The following CCDC191 variants were observed in gnomAD, a reference collection of about 807,000 sequenced individuals.
CCDC191 encodes coiled-coil domain-containing protein 191.
In CCDC191, 99 loss-of-function variants were observed where a neutral mutation model predicts 114.0. That is an observed-to-expected ratio of 0.87 (90% CI 0.74 to 1.03). CCDC191 has a LOEUF of 1.03. Among genes scored for constraint, CCDC191 ranks in the 50% least tolerant of loss-of-function variants. The pLI is 0.00. For synonymous variants in CCDC191, 351 were observed against 376.0 expected (o/e 0.93, Z 0.77); for missense variants, 973 against 1,087.0 (o/e 0.90, Z 1.47).
intron 13 of CCDC191, among the ~76,000 whole-genome samples, chr3:113,988,130 A>G (rs1405745062): frequency 1.3e-5 from 2 of 151,922 alleles, no homozygotes; most frequent in African/African-American, 2.4e-5. Context: ...TTAAAACCAG[A>G]TAAGGTAGGG....
At chr3:114,002,373 C>A in intron 12 of CCDC191, 83 bp downstream of exon 12, 1 of 990,208 alleles carries the variant, frequency 1.0e-6, no homozygotes. Flanking sequence ...CTCAGGAGTT[C>A]TGAAAAAGCA....
At chr3:113,965,809 G>T (rs571837612) in intron 16 of CCDC191, among the ~76,000 whole-genome samples, 2 of 152,046 alleles carry the variant, frequency 1.3e-5, no homozygotes, top group Non-Finnish European at 2.9e-5. Context: ...TGGCCAGGCT[G>T]GTCTTGAACT....
chr3:114,039,984 T>C (rs1459353555), intron 4 of CCDC191, among the ~76,000 whole-genome samples: 1 of 152,236 alleles, frequency 6.6e-6, no homozygotes, highest in Non-Finnish European at 1.5e-5. Flanking sequence ...GCTTCACATT[T>C]ACTCACAACT....
At chr3:114,004,826 CT>C in intron 10 of CCDC191, 80 bp from the exon 11 acceptor site, 2 of 1,436,184 alleles carry the variant, frequency 1.4e-6, no homozygotes, top group East Asian at 2.4e-5. Context: ...TGCTCAAAGC[CT>C]TTTACAGACC....
At chr3:114,015,709 T>C (rs1044263202) in intron 8 of CCDC191, among the ~76,000 whole-genome samples, 2 of 152,244 alleles carry the variant, frequency 1.3e-5, no homozygotes, top group African/African-American at 4.8e-5. Flanking sequence ...TATTACTAAA[T>C]GAATCCTCAG....
At chr3:114,043,787 G>A (rs910346873) in intron 3 of CCDC191, among the ~76,000 whole-genome samples, 1 of 152,184 alleles carries the variant, frequency 6.6e-6, no homozygotes, top group African/African-American at 2.4e-5. Context: ...TGGTGGCCTG[G>A]ATCTGGGAGT....
rs765934410 is a variant in CCDC191 at position 113,999,308 on chromosome 3, G to T, written c.2163+2287C>A. 5.9e-5 allele frequency among the ~76,000 whole-genome samples: 9 copies of T among 152,152 alleles called. No individual in the cohort carries two copies. The East Asian group carries it at 9.6e-4, about 16-fold the overall frequency. ...AGAGACATAATGATTCCACTTAACT[G>T]CAAGTTGACTGCTACCTGGCCACTT... On this transcript the variant is annotated intron_variant, in intron 13 of 16. Transcript: ENST00000295878.
chr3:114,048,692 C>T (rs779979495), intron 2 of CCDC191, among the ~76,000 whole-genome samples: 11 of 152,176 alleles, frequency 7.2e-5, no homozygotes, highest in Non-Finnish European at 1.2e-4. Context: ...TGTAAACACT[C>T]TCCTCCAGCT....
rs776977805 is a variant in CCDC191, at chr3:114,005,793, G to A, written c.1583C>T (p.Ser528Phe). Residue 528 changes from serine (S) to phenylalanine (F), a missense_variant, in exon 10 of 17, where the codon TCT becomes TTT. Transcript: ENST00000295878. Reference protein sequence around the residue: ...KQHKTLGAEPSQQPGSNETLR... With the variant: ...KQHKTLGAEPFQQPGSNETLR... ...TGTCTCGTTGCTGCCAGGCTGTTGA[G>A]AGGGTTCAGCACCCAGGGTCTTGTG... The A allele has an allele frequency of 6.2e-7, 1 of 1,614,082 alleles. No homozygotes were observed. Among genetic ancestry groups the A allele is most frequent in the Admixed American group, 1.7e-5 (1 of 60,004 alleles).
chr3:113,978,385 A>G, intron 15 of CCDC191, 54 bp from the exon 16 acceptor site: 2 of 1,553,966 alleles, frequency 1.3e-6, no homozygotes, highest in Non-Finnish European at 1.8e-6. Context: ...TTGACAAAGA[A>G]TTAGAGCAAA....
rs1236877607 is a variant in CCDC191, at chr3:113,998,198, C to T, written c.2163+3397G>A. Among the ~76,000 whole-genome samples the T allele has an allele frequency of 4.0e-5, 6 of 148,484 alleles. No homozygotes were observed. The East Asian group carries it at 8.1e-4, about 20-fold the overall frequency. The stretch of plus-strand genomic sequence containing the variant: ...GTGCATGACTGTAATCCCAGCTACT[C>T]GGGAGGCTGAGGAAGGAGAATCACT... On this transcript the variant is annotated intron_variant, in intron 13 of 16. Coordinates refer to ENST00000295878, the MANE Select transcript of CCDC191 (RefSeq NM_020817.2).
intron 13 of CCDC191, among the ~76,000 whole-genome samples, chr3:113,996,480 G>A (rs2075725992): frequency 6.6e-6 from 1 of 152,150 alleles, no homozygotes; most frequent in African/African-American, 2.4e-5. Context: ...GTCTGTTTTA[G>A]TACCAGTACC....
chr3:114,041,518 T>G (rs1390972828), intron 4 of CCDC191, among the ~76,000 whole-genome samples: 2 of 152,182 alleles, frequency 1.3e-5, no homozygotes, highest in Non-Finnish European at 1.5e-5. Context: ...CTACCCAAAG[T>G]GTAGGCTCCC....
intron 3 of CCDC191, among the ~76,000 whole-genome samples, 198 bp downstream of exon 3, chr3:114,046,393 T>G (rs1160895054): frequency 6.6e-6 from 1 of 152,176 alleles, no homozygotes; most frequent in Non-Finnish European, 1.5e-5. Context: ...TGGTTCTAAT[T>G]TGGGAAACAA....
intron 13 of CCDC191, among the ~76,000 whole-genome samples, chr3:113,991,241 AAAAG>A (rs1479653630): frequency 2.6e-5 from 4 of 150,958 alleles, no homozygotes; most frequent in Admixed American, 2.0e-4. Context: ...AAAAAAAAAA[AAAAG>A]AAAAACAAAC....
Position 114,053,589 on chromosome 3 carries a change from A to T in CCDC191, c.129+8T>A, listed in dbSNP as rs376182959. On this transcript the variant is annotated splice_region_variant and intron_variant, in intron 2 of 16. Coordinates refer to ENST00000295878, the MANE Select transcript of CCDC191 (RefSeq NM_020817.2). ...ACTCTTTTTATTCTAAATTTGAAAT[A>T]TCCTTACCTTTATCCAGTGTTCCAC... 1.4e-5 allele frequency: 21 copies of T among 1,552,714 alleles called. No homozygotes were observed. Among genetic ancestry groups the T allele is most frequent in the Non-Finnish European group, 1.9e-5 (21 of 1,130,532 alleles).
intron 3 of CCDC191, among the ~76,000 whole-genome samples, chr3:114,045,988 TAAATGAAG>T (rs2076624427): frequency 6.6e-6 from 1 of 152,206 alleles, no homozygotes; most frequent in Non-Finnish European, 1.5e-5. Context: ...GTGTGTTGAA[TAAATGAAG>T]AAATAAATGG....
intron 13 of CCDC191, among the ~76,000 whole-genome samples, chr3:113,987,363 A>C (rs1383735870): frequency 1.3e-5 from 2 of 152,314 alleles, no homozygotes; most frequent in Non-Finnish European, 2.9e-5. Flanking sequence ...AGAAGAAATA[A>C]AGTTAAATAT....
intron 8 of CCDC191, 149 bp downstream of exon 8, chr3:114,018,529 G>T: frequency 1.5e-6 from 1 of 648,736 alleles, no homozygotes; most frequent in Admixed American, 3.1e-5. Context: ...TTTCTAGTTT[G>T]AGATGTAACA....
Sources: allele counts gnomAD v4.1 joint callset (sites outside exome capture counted in the v4.1 genomes callset), GRCh38; gene constraint gnomAD v4.1.1; transcripts MANE v1.5; gene names NCBI Gene and HGNC (gene_info 2026-07-23, HGNC 2026-07-21).